PDE11A: variants seen among roughly 807,000 people sequenced by gnomAD.
The protein encoded by PDE11A is phosphodiesterase 11A, also known as dual 3',5'-cyclic-AMP and -GMP phosphodiesterase 11A.
PDE11A carries 100 observed loss-of-function variants against 100.5 expected under a neutral mutation model. That is an observed-to-expected ratio of 1.00 (90% CI 0.85 to 1.18). PDE11A has a LOEUF of 1.18. Among genes scored for constraint, PDE11A ranks in the 50% most tolerant of loss-of-function variants. PDE11A has a pLI of 0.00. For missense variants in PDE11A, 1,141 were observed against 1,152.6 expected (o/e 0.99, Z 0.15); for synonymous variants, 381 against 420.8 (o/e 0.91, Z 1.16).
chr2:178,018,207 C>T (rs780682717), intron 1 of PDE11A: 70 of 379,654 alleles, frequency 1.8e-4, no homozygotes, highest in Non-Finnish European at 3.5e-4. Context: ...ACGGGGTTGT[C>T]AGTGTTTAGC....
chr2:178,027,824 CCTT>C (rs2086496738), intron 1 of PDE11A, among the ~76,000 whole-genome samples: 1 of 152,166 alleles, frequency 6.6e-6, no homozygotes, highest in South Asian at 2.1e-4. Context: ...CAGATTCTGA[CCTT>C]CTCCACATTT....
At chr2:177,802,625 C>T (rs990953415) in intron 9 of PDE11A, among the ~76,000 whole-genome samples, 1 of 151,916 alleles carries the variant, frequency 6.6e-6, no homozygotes, top group Non-Finnish European at 1.5e-5. Context: ...ACTGAATTTA[C>T]ATGAAATTCT....
intron 2 of PDE11A, among the ~76,000 whole-genome samples, chr2:178,093,984 G>A (rs531539557): frequency 1.2e-4 from 18 of 152,162 alleles, no homozygotes; most frequent in African/African-American, 3.6e-4. Flanking sequence ...AAACGCTCAG[G>A]TATATGTTAT....
chr2:178,067,920 C>T (rs1335911209), intron 1 of PDE11A, among the ~76,000 whole-genome samples: 1 of 152,184 alleles, frequency 6.6e-6, no homozygotes, highest in Non-Finnish European at 1.5e-5. Context: ...GCGTCATCCC[C>T]TTTCCTGCTC....
At chr2:177,660,428 A>G (rs931511212) in intron 19 of PDE11A, among the ~76,000 whole-genome samples, 1 of 152,106 alleles carries the variant, frequency 6.6e-6, no homozygotes. Context: ...CGTTGACAAT[A>G]TATATGGTAA....
rs1424137994 is a variant in PDE11A at position 177,685,169 on chromosome 2, G to A, written c.2346-4266C>T. Reference sequence around the variant, plus strand: ...AATAAATATTTGTTGATGAATGAATGAGAATGATTATCTTAGAAAGCTAAT... The same window carrying A: ...AATAAATATTTGTTGATGAATGAATAAGAATGATTATCTTAGAAAGCTAAT... On this transcript the variant is annotated intron_variant, in intron 15 of 19. Transcript: ENST00000286063. 4.6e-5 allele frequency among the ~76,000 whole-genome samples: 7 copies of A among 152,182 alleles called. No homozygotes were observed. In the East Asian group the frequency reaches 1.3e-3, roughly 29 times the overall value.
chr2:178,057,730 T>A (rs895801565), intron 1 of PDE11A, among the ~76,000 whole-genome samples: 1 of 152,204 alleles, frequency 6.6e-6, no homozygotes, highest in Non-Finnish European at 1.5e-5. Context: ...TGAACCTTCA[T>A]GTCTCCAACA....
At chr2:178,010,957 T>C (rs2086267830) in intron 2 of PDE11A, among the ~76,000 whole-genome samples, 1 of 152,222 alleles carries the variant, frequency 6.6e-6, no homozygotes, top group Admixed American at 6.5e-5. Context: ...ATATACATTG[T>C]ATTTAATAAA....
chr2:177,933,231 T>C (rs2085231157), intron 2 of PDE11A, among the ~76,000 whole-genome samples: 1 of 152,144 alleles, frequency 6.6e-6, no homozygotes, highest in Non-Finnish European at 1.5e-5. Context: ...ATAATCAATA[T>C]CATTAAAATG....
intron 5 of PDE11A, among the ~76,000 whole-genome samples, chr2:177,860,103 TA>T (rs2083919867): frequency 6.6e-6 from 1 of 150,998 alleles, no homozygotes; most frequent in Non-Finnish European, 1.5e-5. Flanking sequence ...AGAAAGGACA[TA>T]ATAAAGACTA....
At chr2:177,763,102 G>C (rs1441999932) in intron 10 of PDE11A, among the ~76,000 whole-genome samples, 1 of 152,168 alleles carries the variant, frequency 6.6e-6, no homozygotes, top group African/African-American at 2.4e-5. Context: ...CATATTTATG[G>C]ATGCGTCCTG....
At chr2:178,083,330 C>T (rs2087310199) in intron 2 of PDE11A, among the ~76,000 whole-genome samples, 1 of 152,102 alleles carries the variant, frequency 6.6e-6, no homozygotes, top group Admixed American at 6.5e-5. Context: ...GACTCCTGAC[C>T]TCAAGTGATC....
intron 2 of PDE11A, among the ~76,000 whole-genome samples, chr2:177,905,535 C>A (rs1359645366): frequency 6.6e-6 from 1 of 152,138 alleles, no homozygotes; most frequent in Non-Finnish European, 1.5e-5. Context: ...CTGTGATATA[C>A]CTGGAATTTA....
chr2:177,843,354 C>T (rs755005873), intron 5 of PDE11A, among the ~76,000 whole-genome samples: 1 of 152,026 alleles, frequency 6.6e-6, no homozygotes, highest in Admixed American at 6.6e-5. Context: ...TGGGTTGTCA[C>T]CTAAGAACAA....
At chr2:177,754,941 T>A (rs2082071509) in intron 10 of PDE11A, among the ~76,000 whole-genome samples, 1 of 152,222 alleles carries the variant, frequency 6.6e-6, no homozygotes, top group South Asian at 2.1e-4. Flanking sequence ...GATCTAGGGA[T>A]GTTTGGCCTG....
intron 2 of PDE11A, among the ~76,000 whole-genome samples, chr2:178,086,281 T>C (rs2087354525): frequency 1.3e-5 from 2 of 152,190 alleles, no homozygotes; most frequent in Admixed American, 6.5e-5. Context: ...TCTGAACTAG[T>C]ATAACATCAC....
chr2:177,865,253 G>A (rs930397941), intron 5 of PDE11A, among the ~76,000 whole-genome samples: 2 of 152,042 alleles, frequency 1.3e-5, no homozygotes, highest in African/African-American at 4.8e-5. Context: ...ACTCTAGCCT[G>A]GGCAACAGAG....
intron 2 of PDE11A, among the ~76,000 whole-genome samples, chr2:177,967,917 T>C (rs563025321): frequency 1.3e-5 from 2 of 152,322 alleles, no homozygotes; most frequent in African/African-American, 4.8e-5. Flanking sequence ...TATTGAATAA[T>C]TGAATAAATG....
intron 2 of PDE11A, chr2:177,926,897 C>G (rs952681718): frequency 2.6e-5 from 4 of 152,124 alleles, no homozygotes; most frequent in Non-Finnish European, 5.9e-5. Context: ...CAATGATTAC[C>G]TGCACCATGA....
Sources: gnomAD v4.1 joint callset for allele counts (sites outside exome capture counted in the v4.1 genomes callset) on GRCh38, gnomAD v4.1.1 for gene constraint, MANE v1.5 for transcripts, NCBI Gene and HGNC (gene_info 2026-07-23, HGNC 2026-07-21) for gene names.